The following DLG2 variants were observed in gnomAD, a reference collection of about 807,000 sequenced individuals.
DLG2 encodes the protein discs large MAGUK scaffold protein 2.
In DLG2, 45 loss-of-function variants were observed where a neutral mutation model predicts 132.5. The ratio of observed to expected loss-of-function variants is 0.34; its 90% confidence interval spans 0.27 to 0.44. DLG2 has a LOEUF of 0.44. DLG2 is among the 20% of genes least tolerant of loss of function. DLG2 has a pLI of 1.00. For synonymous variants in DLG2, 424 were observed against 419.6 expected (o/e 1.01, Z -0.13); for missense variants, 1,045 against 1,196.9 (o/e 0.87, Z 1.87).
intron 3 of DLG2, among the ~76,000 whole-genome samples, chr11:85,415,802 G>T (rs1378178122): frequency 1.3e-5 from 2 of 151,972 alleles, no homozygotes; most frequent in Admixed American, 1.3e-4. Context: ...TCTGTAGGTT[G>T]CCTGCTCACT....
chr11:85,483,928 A>G (rs1465039865), intron 3 of DLG2, among the ~76,000 whole-genome samples: 1 of 151,762 alleles, frequency 6.6e-6, no homozygotes, highest in Non-Finnish European at 1.5e-5. Flanking sequence ...TAGCTACAAT[A>G]CTTTATTAAG....
chr11:84,332,508 C>CTGTT (rs2098465498), intron 7 of DLG2, among the ~76,000 whole-genome samples: 1 of 78,292 alleles, frequency 1.3e-5, no homozygotes, highest in Admixed American at 1.5e-4. Context: ...CCGCGCCTGG[C>CTGTT]TTTTTTTTTT....
In DLG2 at chr11:83,888,806, T is replaced by A. The variant is rs577272645; in HGVS notation, c.1497-14318A>T. ...GAGCCCTCAGAAATAAAGCCGCATA[T>A]CTACAACTATCTGATCTTTGACAAA... On this transcript the variant is annotated intron_variant, in intron 15 of 27. Coordinates refer to ENST00000376104, the MANE Select transcript of DLG2 (RefSeq NM_001142699.3). 1.9e-3 allele frequency among the ~76,000 whole-genome samples: 289 copies of A among 152,220 alleles called. 3 individuals are homozygous for A. Among genetic ancestry groups the A allele is most frequent in the African/African-American group, 6.6e-3 (274 of 41,528 alleles).
intron 3 of DLG2, among the ~76,000 whole-genome samples, chr11:85,371,798 A>G (rs2085001100): frequency 6.6e-6 from 1 of 152,222 alleles, no homozygotes; most frequent in South Asian, 2.1e-4. Context: ...GCTTGGTTTT[A>G]AAAGGTCTTA....
At chr11:83,788,654 T>C (rs557582609) in intron 17 of DLG2, among the ~76,000 whole-genome samples, 2 of 152,366 alleles carry the variant, frequency 1.3e-5, no homozygotes, top group Admixed American at 6.5e-5. Context: ...GGCTACTGCC[T>C]ACAGGAGGCT....
At chr11:84,455,292 G>A (rs927484423) in intron 7 of DLG2, among the ~76,000 whole-genome samples, 51 of 151,276 alleles carry the variant, frequency 3.4e-4, no homozygotes, top group African/African-American at 1.1e-3. Flanking sequence ...GTTTCTGTGT[G>A]GCCTGCATTG....
intron 7 of DLG2, among the ~76,000 whole-genome samples, chr11:84,420,110 T>C (rs1421167084): frequency 6.6e-6 from 1 of 152,040 alleles, no homozygotes; most frequent in African/African-American, 2.4e-5. Context: ...AGGAGAAAAA[T>C]CTTGTTCAAC....
chr11:84,056,734 G>A (rs2096507634), intron 11 of DLG2, among the ~76,000 whole-genome samples: 1 of 152,180 alleles, frequency 6.6e-6, no homozygotes, highest in Non-Finnish European at 1.5e-5. Flanking sequence ...AGCACTAGCT[G>A]TGTTTATGGT....
chr11:84,622,940 T>C (rs559915465), intron 6 of DLG2, among the ~76,000 whole-genome samples: 4 of 152,238 alleles, frequency 2.6e-5, no homozygotes, highest in South Asian at 2.1e-4. Context: ...TCTCTGGAAA[T>C]TTTATCATTG....
intron 7 of DLG2, among the ~76,000 whole-genome samples, chr11:84,323,642 T>A (rs1342000381): frequency 6.6e-6 from 1 of 152,012 alleles, no homozygotes; most frequent in Non-Finnish European, 1.5e-5. Context: ...ACCGTACCAT[T>A]TTACATTCCC....
intron 7 of DLG2, among the ~76,000 whole-genome samples, chr11:84,293,519 C>T (rs1469126728): frequency 6.6e-6 from 1 of 151,912 alleles, no homozygotes; most frequent in African/African-American, 2.4e-5. Context: ...ACTAAAAATA[C>T]AAAAATTAGC....
intron 21 of DLG2, among the ~76,000 whole-genome samples, chr11:83,526,616 C>T (rs918619735): frequency 1.9e-4 from 29 of 152,252 alleles, no homozygotes; most frequent in African/African-American, 5.8e-4. Flanking sequence ...TTGGTCACAA[C>T]CCTTAAAATT....
intron 6 of DLG2, among the ~76,000 whole-genome samples, chr11:84,740,576 G>A (rs961783535): frequency 2.0e-5 from 3 of 152,066 alleles, no homozygotes; most frequent in African/African-American, 4.8e-5. Flanking sequence ...CTCCTCTGGA[G>A]GCCAGTAGCT....
At chr11:84,898,197 G>A (rs558796155) in intron 6 of DLG2, among the ~76,000 whole-genome samples, 90 of 151,998 alleles carry the variant, frequency 5.9e-4, no homozygotes, top group African/African-American at 2.1e-3. Flanking sequence ...TGTATTAGTT[G>A]AGCACAGAGC....
intron 21 of DLG2, among the ~76,000 whole-genome samples, chr11:83,524,140 A>C (rs1394855334): frequency 6.6e-6 from 1 of 152,188 alleles, no homozygotes; most frequent in East Asian, 1.9e-4. Context: ...AGTACTTTAC[A>C]TATATTGTAT....
At chr11:84,761,239 T>A (rs2067587021) in intron 6 of DLG2, among the ~76,000 whole-genome samples, 2 of 152,224 alleles carry the variant, frequency 1.3e-5, no homozygotes, top group African/African-American at 4.8e-5. Context: ...GCAATGCATT[T>A]TTACCCGTGA....
intron 18 of DLG2, among the ~76,000 whole-genome samples, chr11:83,704,770 T>A (rs1380082191): frequency 6.6e-6 from 1 of 151,926 alleles, no homozygotes; most frequent in Non-Finnish European, 1.5e-5. Flanking sequence ...GAGGTGGCAG[T>A]GAGCCGAGAT....
At chr11:83,822,606 G>A (rs1352991107) in intron 17 of DLG2, among the ~76,000 whole-genome samples, 1 of 152,162 alleles carries the variant, frequency 6.6e-6, no homozygotes, top group African/African-American at 2.4e-5. Flanking sequence ...TAACGTGTAA[G>A]GTGCATGGAG....
chr11:84,602,955 C>A (rs561164693), intron 6 of DLG2, among the ~76,000 whole-genome samples: 2 of 152,122 alleles, frequency 1.3e-5, no homozygotes, highest in Admixed American at 6.5e-5. Flanking sequence ...AGATAATGTT[C>A]TTCTCTGATT....
Sources: gnomAD v4.1 joint callset for allele counts (sites outside exome capture counted in the v4.1 genomes callset) on GRCh38, gnomAD v4.1.1 for gene constraint, MANE v1.5 for transcripts, NCBI Gene and HGNC (gene_info 2026-07-23, HGNC 2026-07-21) for gene names.